Variants in HS2ST1 observed in about 807,000 individuals in gnomAD.
The protein encoded by HS2ST1 is heparan sulfate 2-O-sulfotransferase 1.
In HS2ST1, 18 loss-of-function variants were observed where a neutral mutation model predicts 42.9. The observed-to-expected ratio is 0.42, with a 90% CI of 0.29 to 0.62. The LOEUF (loss-of-function observed/expected upper bound fraction) is 0.62. Ranked by LOEUF, HS2ST1 falls within the 20% of genes least tolerant of loss-of-function variation. HS2ST1 has a pLI of 0.21. For missense variants in HS2ST1, 334 were observed against 433.8 expected, an observed-to-expected ratio of 0.77 and a Z score of 2.04; for synonymous variants, 146 against 152.9, an observed-to-expected ratio of 0.95 and a Z score of 0.33.
At chr1:87,077,010 C>T (rs1651562731) in intron 2 of HS2ST1, among the ~76,000 whole-genome samples, 1 of 152,170 alleles carries the variant, frequency 6.6e-6, no homozygotes, top group Non-Finnish European at 1.5e-5. Flanking sequence ...ATTTTCTCCA[C>T]CTATAATGTG....
intron 1 of HS2ST1, among the ~76,000 whole-genome samples, chr1:86,947,058 C>G (rs544141565): frequency 6.6e-6 from 1 of 152,326 alleles, no homozygotes; most frequent in Non-Finnish European, 1.5e-5. Context: ...TTCCTGAGCT[C>G]TAGCTACCAT....
At chr1:87,102,140 C>A (rs544539308) in intron 5 of HS2ST1, among the ~76,000 whole-genome samples, 1 of 150,930 alleles carries the variant, frequency 6.6e-6, no homozygotes, top group African/African-American at 2.4e-5. Flanking sequence ...TCACCGCAAA[C>A]CTCCACCTCC....
intron 1 of HS2ST1, among the ~76,000 whole-genome samples, chr1:87,069,117 G>A (rs1368880694): frequency 6.6e-6 from 1 of 152,186 alleles, no homozygotes; most frequent in South Asian, 2.1e-4. Context: ...TAGTCTTGCT[G>A]TCTCATGGAT....
chr1:86,920,121 G>A (rs1262204372), intron 1 of HS2ST1, among the ~76,000 whole-genome samples: 1 of 152,114 alleles, frequency 6.6e-6, no homozygotes, highest in Non-Finnish European at 1.5e-5. Flanking sequence ...TAGGGTTTTA[G>A]CATTGTAAAT....
chr1:87,065,147 G>A (rs564210734), intron 1 of HS2ST1, among the ~76,000 whole-genome samples: 1 of 152,278 alleles, frequency 6.6e-6, no homozygotes, highest in African/African-American at 2.4e-5. Context: ...CTTTCTTTTG[G>A]TGCATCTGTA....
chr1:86,939,292 G>A (rs958101987), intron 1 of HS2ST1, among the ~76,000 whole-genome samples: 3 of 152,148 alleles, frequency 2.0e-5, no homozygotes, highest in Admixed American at 1.3e-4. Flanking sequence ...TTGTAAAAAG[G>A]TGTTTCCATT....
chr1:87,083,087 A>G (rs932798106), intron 2 of HS2ST1, among the ~76,000 whole-genome samples: 45 of 152,224 alleles, frequency 3.0e-4, no homozygotes, highest in African/African-American at 9.2e-4. Context: ...TCTAGTTCAC[A>G]TTCTCTGACA....
intron 1 of HS2ST1, among the ~76,000 whole-genome samples, chr1:87,001,999 G>A (rs551626135): frequency 6.0e-5 from 9 of 151,026 alleles, no homozygotes; most frequent in South Asian, 2.1e-4. Context: ...TGCAAGATCC[G>A]CCTCCAGGGT....
chr1:86,954,154 A>G (rs1647611392), intron 1 of HS2ST1, among the ~76,000 whole-genome samples: 1 of 151,412 alleles, frequency 6.6e-6, no homozygotes, highest in Non-Finnish European at 1.5e-5. Flanking sequence ...GTTTGAGACC[A>G]GCCTGGCCAA....
intron 1 of HS2ST1, among the ~76,000 whole-genome samples, chr1:87,054,469 T>C (rs982061079): frequency 2.6e-5 from 4 of 152,220 alleles, no homozygotes; most frequent in African/African-American, 9.6e-5. Flanking sequence ...CTAAGATTGA[T>C]GTCACATTTC....
In HS2ST1 at chr1:86,931,792, GA is replaced by G. The variant is rs540820117; in HGVS notation, c.124+16639del. 1.8e-4 allele frequency among the ~76,000 whole-genome samples: 28 copies of G among 151,672 alleles called. 1 individual carries two copies. The South Asian group carries it at 4.6e-3, about 25-fold the overall frequency. On this transcript the variant is annotated intron_variant, in intron 1 of 6. Coordinates refer to ENST00000370550, the MANE Select transcript of HS2ST1 (RefSeq NM_012262.4). ...TTAACATCATGTTATTGCTTATTTA[GA>G]AAAAAATGCTTAATACCAGTAATCT...
chr1:87,024,059 G>A (rs1347699605), intron 1 of HS2ST1, among the ~76,000 whole-genome samples: 1 of 152,114 alleles, frequency 6.6e-6, no homozygotes, highest in African/African-American at 2.4e-5. Flanking sequence ...ACAGATTTCA[G>A]CTTAATATAA....
intron 5 of HS2ST1, chr1:87,098,353 A>G (rs571707358): frequency 1.0e-6 from 1 of 981,602 alleles, no homozygotes; most frequent in East Asian, 1.1e-4. Flanking sequence ...TTTTGACTTT[A>G]AGAGAAGCCA....
chr1:87,053,090 C>T (rs1354793415), intron 1 of HS2ST1, among the ~76,000 whole-genome samples: 1 of 152,208 alleles, frequency 6.6e-6, no homozygotes, highest in Non-Finnish European at 1.5e-5. Flanking sequence ...AAGTTTTCAG[C>T]ATTGCTAATT....
intron 1 of HS2ST1, among the ~76,000 whole-genome samples, chr1:87,022,459 C>T (rs184078162): frequency 6.6e-6 from 1 of 152,186 alleles, no homozygotes; most frequent in African/African-American, 2.4e-5. Flanking sequence ...AGGAGCACAA[C>T]ACTCAAAAAC....
intron 1 of HS2ST1, among the ~76,000 whole-genome samples, chr1:87,036,393 A>G (rs551799919): frequency 6.6e-6 from 1 of 152,266 alleles, no homozygotes; most frequent in South Asian, 2.1e-4. Context: ...AGACCAAAAG[A>G]CTTTAAAGCA....
intron 1 of HS2ST1, among the ~76,000 whole-genome samples, chr1:86,983,812 G>A (rs1424830448): frequency 6.6e-6 from 1 of 152,164 alleles, no homozygotes; most frequent in African/African-American, 2.4e-5. Context: ...GGAGGCCGAG[G>A]CGGGTGGATC....
chr1:86,997,226 G>A (rs1185723910), intron 1 of HS2ST1, among the ~76,000 whole-genome samples: 1 of 152,158 alleles, frequency 6.6e-6, no homozygotes. Flanking sequence ...GAGAACTGCA[G>A]AGAACTGAAT....
chr1:86,915,844 T>C lies in HS2ST1; in HGVS notation c.124+684T>C, dbSNP rs567692538. Among the ~76,000 whole-genome samples, 5 of 152,300 alleles carry C rather than the reference T, an allele frequency of 3.3e-5. No homozygotes were observed. The South Asian group carries it at 6.2e-4, about 19-fold the overall frequency. On this transcript the variant is annotated intron_variant, in intron 1 of 6. Coordinates refer to ENST00000370550, the MANE Select transcript of HS2ST1 (RefSeq NM_012262.4). ...TCTTTAGTGGCGCTAAACTGATGAA[T>C]TGGGGCTTGAGAATAGGGATGCCTA...
Sources: allele counts gnomAD v4.1 joint callset (sites outside exome capture counted in the v4.1 genomes callset), GRCh38; gene constraint gnomAD v4.1.1; transcripts MANE v1.5; gene names NCBI Gene and HGNC (gene_info 2026-07-23, HGNC 2026-07-21).